The following TSPAN9 variants were observed in gnomAD, a reference collection of about 807,000 sequenced individuals.
TSPAN9 encodes tetraspanin-9.
In TSPAN9, 16 loss-of-function variants were observed where a neutral mutation model predicts 31.0. The observed-to-expected ratio is 0.52, with a 90% CI of 0.35 to 0.78. The LOEUF (loss-of-function observed/expected upper bound fraction) is 0.78. TSPAN9 is among the 30% of genes least tolerant of loss of function. The pLI is 0.01. For synonymous variants in TSPAN9, 145 were observed against 121.6 expected, an observed-to-expected ratio of 1.19 and a Z score of -1.27; for missense variants, 272 against 312.5, an observed-to-expected ratio of 0.87 and a Z score of 0.98.
At chr12:3,119,646 C>T (rs373283485) in intron 2 of TSPAN9, among the ~76,000 whole-genome samples, 2 of 152,334 alleles carry the variant, frequency 1.3e-5, no homozygotes, top group South Asian at 2.1e-4. Flanking sequence ...TGCACCCCCG[C>T]TCCTCTCCAC....
intron 2 of TSPAN9, among the ~76,000 whole-genome samples, chr12:3,182,844 A>AG (rs1323053142): frequency 3.9e-5 from 6 of 152,134 alleles, no homozygotes; most frequent in Non-Finnish European, 7.4e-5. Context: ...GCAGGCAGAG[A>AG]GGTGAGCCAG....
At chr12:3,185,378 G>A (rs1257687485) in intron 2 of TSPAN9, among the ~76,000 whole-genome samples, 1 of 152,118 alleles carries the variant, frequency 6.6e-6, no homozygotes, top group Non-Finnish European at 1.5e-5. Flanking sequence ...TTGGCAGGGT[G>A]GGGCTAGGAG....
intron 3 of TSPAN9, among the ~76,000 whole-genome samples, chr12:3,223,251 C>A (rs1407636703): frequency 6.6e-6 from 1 of 152,234 alleles, no homozygotes; most frequent in Non-Finnish European, 1.5e-5. Flanking sequence ...ATCCTTGGAA[C>A]AAACACGTCC....
In TSPAN9 at chr12:3,147,494, C is replaced by G. The variant is rs1347265124; in HGVS notation, c.-17-53683C>G. 6.6e-6 allele frequency among the ~76,000 whole-genome samples: 1 copy of G among 151,938 alleles called. No individual in the cohort carries two copies. The highest frequency in any genetic ancestry group is 1.5e-5 in the Non-Finnish European group (1 of 68,032). ...GCCTCTCCCTCCTTCAGGATCGCCC[C>G]CACCTTCCCTGCCCACTTCCAGATT... On this transcript the variant is annotated intron_variant, in intron 2 of 8. Coordinates refer to ENST00000011898, the MANE Select transcript of TSPAN9 (RefSeq NM_006675.5). The surrounding 1 kb of genome is among the most constrained non-coding windows in gnomAD (Gnocchi z 4.3).
intron 2 of TSPAN9, among the ~76,000 whole-genome samples, chr12:3,128,456 T>A (rs529950753): frequency 2.0e-5 from 3 of 152,260 alleles, no homozygotes; most frequent in East Asian, 3.9e-4. Flanking sequence ...CTGGGCGTGG[T>A]GGTGCAGCTG....
chr12:3,112,606 T>C (rs1393516552), intron 2 of TSPAN9, among the ~76,000 whole-genome samples: 2 of 151,782 alleles, frequency 1.3e-5, no homozygotes, highest in African/African-American at 4.8e-5. Flanking sequence ...TAAAAAATTT[T>C]TGTAAAACTG....
intron 2 of TSPAN9, among the ~76,000 whole-genome samples, chr12:3,084,993 T>C (rs969381271): frequency 1.3e-5 from 2 of 152,198 alleles, no homozygotes; most frequent in African/African-American, 4.8e-5. Context: ...GCTTTCATTC[T>C]TGCAGCTCTG....
rs562082009 is a variant in TSPAN9 at position 3,219,837 on chromosome 12, A to G, written c.63+18581A>G. Among the ~76,000 whole-genome samples the G allele has an allele frequency of 7.5e-5, 10 of 132,926 alleles. No individual in the cohort carries two copies. In the South Asian group the frequency reaches 2.4e-3, roughly 32 times the overall value. The allele number at this position is 132,926 out of a possible 152,430, so 87.2% of individuals were successfully genotyped here. ...GCACATTCTGCACATGTGTCCCAGAACTTAAACTATTAAAAAAAAAAAAAA... is the reference window on the plus strand; with the variant it reads ...GCACATTCTGCACATGTGTCCCAGAGCTTAAACTATTAAAAAAAAAAAAAA... On this transcript the variant is annotated intron_variant, in intron 3 of 8. Coordinates refer to ENST00000011898, the MANE Select transcript of TSPAN9 (RefSeq NM_006675.5).
At position 3,201,060 on chromosome 12, in the gene TSPAN9, C is replaced by G. The variant is rs1292641246; in HGVS notation, c.-17-117C>G. 8 of 939,694 alleles carry G rather than the reference C, an allele frequency of 8.5e-6. No homozygotes were observed. The African/African-American group carries it at 1.3e-4, about 16-fold the overall frequency. 58.2% of individuals were successfully genotyped at this position (939,694 alleles called of 1,614,324 possible). On this transcript the variant is annotated intron_variant, in intron 2 of 8. Transcript: ENST00000011898. ...ACGGCCGGCGCCTTCTACGGCACCG[C>G]GGGCTCCCGGGGCCAGAGCCGCGCC...
chr12:3,152,600 T>C (rs1258816563), intron 2 of TSPAN9, among the ~76,000 whole-genome samples: 3 of 152,176 alleles, frequency 2.0e-5, no homozygotes, highest in Non-Finnish European at 4.4e-5. Context: ...TTTCTTTCTT[T>C]TTTGAGACGG....
At chr12:3,239,506 C>T (rs1389998661) in intron 3 of TSPAN9, among the ~76,000 whole-genome samples, 2 of 152,234 alleles carry the variant, frequency 1.3e-5, no homozygotes, top group Non-Finnish European at 2.9e-5. Flanking sequence ...CGAGCAGTGT[C>T]TGCCAGGCAG....
intron 3 of TSPAN9, among the ~76,000 whole-genome samples, chr12:3,276,670 G>T (rs1485292285): frequency 1.3e-5 from 2 of 152,106 alleles, no homozygotes; most frequent in Admixed American, 1.3e-4. Context: ...TCTTCGTGGC[G>T]CATGTCAGCA....
chr12:3,281,236 C>G lies in TSPAN9; in HGVS notation c.471C>G (p.Tyr157Ter). 1 of 1,551,374 alleles carries G rather than the reference C, an allele frequency of 6.4e-7. No homozygotes were observed. The highest frequency in any genetic ancestry group is 8.7e-7 in the Non-Finnish European group (1 of 1,147,002). ...GTGTCACTGACTACACAGACTGGTA[C>G]CCAGTGCTGGGGGAGAACACGGTTC... is the stretch of plus-strand genomic sequence containing the variant. ...CCGVTDYTDWYPVLGENTVPD... is the reference protein window; with the variant it reads ...CCGVTDYTDW The change falls in exon 7 of 9, where the codon TAC becomes TAG. Residue 157 changes from tyrosine (Y) to a stop codon, truncating the protein, a stop_gained. Transcript: ENST00000011898. LOFTEE classifies it high-confidence loss of function.
intron 3 of TSPAN9, among the ~76,000 whole-genome samples, chr12:3,212,125 C>G (rs1376309825): frequency 6.6e-6 from 1 of 152,144 alleles, no homozygotes; most frequent in Non-Finnish European, 1.5e-5. Flanking sequence ...GTGTGTGCCA[C>G]CATGCCTGGC....
At chr12:3,139,801 G>A (rs1819938120) in intron 2 of TSPAN9, among the ~76,000 whole-genome samples, 1 of 152,092 alleles carries the variant, frequency 6.6e-6, no homozygotes, top group Admixed American at 6.5e-5. Context: ...ACCTCCCTCG[G>A]CCTCCCCTAG....
intron 2 of TSPAN9, among the ~76,000 whole-genome samples, chr12:3,120,867 A>G (rs12319072): frequency 0.37 from 56,481 of 152,242 alleles, 11,594 homozygotes; most frequent in Admixed American, 0.5. Context: ...GCTACCCATA[A>G]TGGGGTAGAC....
intron 2 of TSPAN9, among the ~76,000 whole-genome samples, chr12:3,114,532 C>T (rs867724204): frequency 2.0e-5 from 3 of 152,116 alleles, no homozygotes; most frequent in African/African-American, 7.2e-5. Context: ...CTCATTAACA[C>T]CATAATCGCT....
At chr12:3,271,241 C>G (rs143035812) in intron 3 of TSPAN9, among the ~76,000 whole-genome samples, 2 of 152,118 alleles carry the variant, frequency 1.3e-5, no homozygotes, top group Admixed American at 6.5e-5. Flanking sequence ...CAGTAATGAC[C>G]AAGGAATCAT....
At chr12:3,092,655 C>A (rs1259081144) in intron 2 of TSPAN9, among the ~76,000 whole-genome samples, 1 of 152,164 alleles carries the variant, frequency 6.6e-6, no homozygotes, top group African/African-American at 2.4e-5. Context: ...CCTAATTTGA[C>A]ATAAAAAATG....
Sources: gnomAD v4.1 joint callset for allele counts (sites outside exome capture counted in the v4.1 genomes callset) on GRCh38, gnomAD v4.1.1 for gene constraint, Gnocchi (gnomAD v3.1) non-coding constraint, MANE v1.5 for transcripts, NCBI Gene and HGNC (gene_info 2026-07-23, HGNC 2026-07-21) for gene names.